Variants in CELF2 observed in about 807,000 individuals in gnomAD.
The protein encoded by CELF2 is CUG triplet repeat RNA-binding protein 2.
In CELF2, 8 loss-of-function variants were observed where a neutral mutation model predicts 62.6. The ratio of observed to expected loss-of-function variants is 0.13; its 90% confidence interval spans 0.07 to 0.23. The LOEUF is 0.23. Among genes scored for constraint, CELF2 ranks in the 10% least tolerant of loss-of-function variants. The pLI is 1.00. For synonymous variants in CELF2, 258 were observed against 250.0 expected (o/e 1.03, Z -0.30); for missense variants, 333 against 671.0 (o/e 0.50, Z 5.56).
chr10:10,642,739 A>G, the CELF2 span, among the ~76,000 whole-genome samples: 7 of 152,278 alleles, frequency 4.6e-5, no homozygotes, highest in Non-Finnish European at 1.0e-4. Context: ...AAAAGTTCCC[A>G]GAAGAGTACG....
At chr10:10,696,852 G>A in the CELF2 span, among the ~76,000 whole-genome samples, 2 of 152,216 alleles carry the variant, frequency 1.3e-5, no homozygotes, top group Non-Finnish European at 2.9e-5. Flanking sequence ...AGCGCACGGT[G>A]CGTGCACCCA....
chr10:10,671,887 A>G, the CELF2 span, among the ~76,000 whole-genome samples: 1 of 152,012 alleles, frequency 6.6e-6, no homozygotes, highest in South Asian at 2.1e-4. Context: ...ACGCTGCCAC[A>G]CTTGGCTAAT....
chr10:10,953,036 C>T (rs1394563752), intron 2 of CELF2, among the ~76,000 whole-genome samples: 2 of 152,196 alleles, frequency 1.3e-5, no homozygotes, highest in Admixed American at 1.3e-4. Context: ...ATCACCTTCA[C>T]ATTGTGAGAA....
At chr10:11,024,166 CT>C (rs2058761924) in intron 1 of CELF2, among the ~76,000 whole-genome samples, 1 of 152,204 alleles carries the variant, frequency 6.6e-6, no homozygotes. Context: ...GAAATCTATT[CT>C]GAAGAGATCT....
At chr10:10,667,790 A>T in the CELF2 span, among the ~76,000 whole-genome samples, 1 of 152,190 alleles carries the variant, frequency 6.6e-6, no homozygotes, top group Admixed American at 6.5e-5. Context: ...GAGCCCTTCC[A>T]CTCACCAGGG....
the CELF2 span, among the ~76,000 whole-genome samples, chr10:10,653,445 A>C: frequency 6.8e-6 from 1 of 147,696 alleles, no homozygotes; most frequent in Non-Finnish European, 1.5e-5. Context: ...CACCTATTCC[A>C]AAATTGACCA....
At chr10:10,569,748 C>T in the CELF2 span, among the ~76,000 whole-genome samples, 1 of 152,122 alleles carries the variant, frequency 6.6e-6, no homozygotes, top group South Asian at 2.1e-4. Flanking sequence ...TCCTGAAACA[C>T]CATGAACTAG....
At chr10:10,466,479 A>G in the CELF2 span, among the ~76,000 whole-genome samples, 1 of 152,102 alleles carries the variant, frequency 6.6e-6, no homozygotes, top group Non-Finnish European at 1.5e-5. Context: ...GGTACTTTCC[A>G]TTTGGGAACT....
At chr10:10,494,394 T>C in the CELF2 span, among the ~76,000 whole-genome samples, 6 of 152,206 alleles carry the variant, frequency 3.9e-5, no homozygotes, top group Non-Finnish European at 7.3e-5. Context: ...TCAACATCTT[T>C]GACTATTCCC....
intron 2 of CELF2, among the ~76,000 whole-genome samples, chr10:10,921,791 A>G (rs527742698): frequency 7.1e-4 from 108 of 151,658 alleles, no homozygotes; most frequent in Non-Finnish European, 1.3e-3. Flanking sequence ...CTGGGGCCTC[A>G]GGGAGTCTTA....
chr10:11,168,778 CAA>C (rs1437287249), intron 2 of CELF2: 1 of 152,134 alleles, frequency 6.6e-6, no homozygotes, highest in East Asian at 1.9e-4. Context: ...TCGTGAGACA[CAA>C]AGACTTGGTC....
chr10:10,587,289 C>A, the CELF2 span, among the ~76,000 whole-genome samples: 1 of 152,174 alleles, frequency 6.6e-6, no homozygotes, highest in African/African-American at 2.4e-5. Context: ...CATGCATAAT[C>A]CACTTGCTCC....
chr10:10,771,730 G>T, the CELF2 span, among the ~76,000 whole-genome samples: 1 of 152,216 alleles, frequency 6.6e-6, no homozygotes, highest in Non-Finnish European at 1.5e-5. Flanking sequence ...CTTCCACCAT[G>T]ATTGTGAGGC....
At chr10:10,536,151 C>T in the CELF2 span, among the ~76,000 whole-genome samples, 1 of 151,800 alleles carries the variant, frequency 6.6e-6, no homozygotes, top group Non-Finnish European at 1.5e-5. Context: ...TCCTGAGTAG[C>T]TGAGACTACA....
intron 1 of CELF2, chr10:11,030,939 A>G (rs1215259750): frequency 6.6e-6 from 1 of 152,252 alleles, no homozygotes; most frequent in Non-Finnish European, 1.5e-5. Context: ...CTTACTGCCA[A>G]GATAAAGAAG....
chr10:11,026,111 G>A (rs1177322249), intron 1 of CELF2, among the ~76,000 whole-genome samples: 2 of 152,150 alleles, frequency 1.3e-5, no homozygotes, highest in African/African-American at 4.8e-5. Context: ...GGGCCTCCAC[G>A]GATGTTTTCT....
chr10:10,636,202 A>G, the CELF2 span, among the ~76,000 whole-genome samples: 1 of 152,226 alleles, frequency 6.6e-6, no homozygotes, highest in Non-Finnish European at 1.5e-5. Context: ...AATTCTCTGC[A>G]TGATCAAAAC....
the CELF2 span, among the ~76,000 whole-genome samples, chr10:10,722,439 T>C: frequency 1.3e-5 from 2 of 152,230 alleles, no homozygotes; most frequent in African/African-American, 2.4e-5. Flanking sequence ...CATAAGAATT[T>C]GCATTGCTTA....
chr10:10,520,735 G>T, the CELF2 span, among the ~76,000 whole-genome samples: 1 of 152,090 alleles, frequency 6.6e-6, no homozygotes, highest in Non-Finnish European at 1.5e-5. Context: ...AGACAAAGGA[G>T]AATGTAGACC....
Sources: gnomAD v4.1 joint callset for allele counts (sites outside exome capture counted in the v4.1 genomes callset) on GRCh38, gnomAD v4.1.1 for gene constraint, MANE v1.5 for transcripts, NCBI Gene and HGNC (gene_info 2026-07-23, HGNC 2026-07-21) for gene names.